The following OGDHL variants were observed in gnomAD, a reference collection of about 807,000 sequenced individuals.
The protein encoded by OGDHL is 2-oxoglutarate dehydrogenase-like, mitochondrial.
Under a neutral mutation model 109.6 loss-of-function variants are expected in OGDHL, and 79 were observed. The observed-to-expected ratio is 0.72, with a 90% CI of 0.60 to 0.87. The LOEUF is 0.87. OGDHL is among the 40% of genes least tolerant of loss of function. The probability of loss-of-function intolerance (pLI) is 0.00; values close to 1 mark genes in which losing one functional copy is unlikely to be tolerated. For missense variants in OGDHL, 1,275 were observed against 1,362.2 expected (o/e 0.94, Z 1.01); for synonymous variants, 528 against 537.2 (o/e 0.98, Z 0.24).
chr10:49,745,371 C>T lies in OGDHL; in HGVS notation c.1602G>A (p.Glu534=), dbSNP rs751287061. The change falls in exon 12 of 23, where the codon GAG becomes GAA. Residue 534 remains glutamate, a synonymous_variant. Coordinates refer to ENST00000374103, the MANE Select transcript of OGDHL (RefSeq NM_018245.3). ...CAAACTCCTGCAGGGTGACTGTGCC[C>T]TCGGCAATCAGCTTGTCTGCGTACT... ...LKKYADKLIA[E]GTVTLQEFEE... 3.1e-6 allele frequency: 5 copies of T among 1,613,914 alleles called. No individual in the cohort carries two copies. The African/African-American group carries it at 5.3e-5, about 17-fold the overall frequency.
At chr10:49,752,591 G>C in intron 4 of OGDHL, 47 bp downstream of exon 4, 1 of 1,530,628 alleles carries the variant, frequency 6.5e-7, no homozygotes, top group Non-Finnish European at 9.1e-7. Context: ...CCCCTTACTG[G>C]GCCACCCACA....
At chr10:49,738,731 ACT>A (rs925916490) in intron 17 of OGDHL, 1 of 176,498 alleles carries the variant, frequency 5.7e-6, no homozygotes, top group South Asian at 1.4e-4. Context: ...GGCCAACCCA[ACT>A]CGGCCTGGGC....
In OGDHL at chr10:49,738,634, C is replaced by A; in HGVS notation, c.2320-372G>T. ...CCTTATCGCTAACCCCCAAAGTAGC[C>A]CCATGATGCAGACACTCTTCCCCAC... On this transcript the variant is annotated intron_variant, in intron 17 of 22. Transcript: ENST00000374103. 1.0e-5 allele frequency: 3 copies of A among 294,072 alleles called. No individual in the cohort carries two copies. In the South Asian group the frequency reaches 1.1e-4, roughly 11 times the overall value. The allele number at this position is 294,072 out of a possible 1,614,324, so 18.2% of individuals were successfully genotyped here. A position where few individuals can be genotyped will look rare whatever the true frequency, so the allele number is the denominator to read the frequency against.
At chr10:49,749,170 T>C (rs964837599) in intron 8 of OGDHL, among the ~76,000 whole-genome samples, 3 of 151,844 alleles carry the variant, frequency 2.0e-5, no homozygotes, top group African/African-American at 7.3e-5. Context: ...GATCATGCCA[T>C]TGCACTCCAG....
rs766739326 is a variant in OGDHL, at chr10:49,736,112, G to A, written c.2820C>T (p.Ala940=). ...TGTTCTTGTGCTCCTCCTGACACCA[G>A]GCCAGCTCCGCACCTGGGTACTTCT... is the stretch of plus-strand genomic sequence containing the variant. ...EAEKYPGAEL[A]WCQEEHKNMG... Residue 940 remains alanine, a synonymous_variant, in exon 22 of 23, where the codon GCC becomes GCT. Transcript: ENST00000374103. 2.5e-6 allele frequency: 4 copies of A among 1,612,304 alleles called. No homozygotes were observed. Among genetic ancestry groups the A allele is most frequent in the Non-Finnish European group, 3.4e-6 (4 of 1,179,026 alleles).
Position 49,736,353 on chromosome 10 carries a change from A to G in OGDHL, c.2754+4T>C. ...ACTTGACTGTACAAGGGGTTCAGGC[A>G]CACCTGCTCCAGGCGCGTGATGGCC... On this transcript the variant is annotated splice_donor_region_variant and intron_variant, in intron 21 of 22. Transcript: ENST00000374103. 6.2e-7 allele frequency: 1 copy of G among 1,614,124 alleles called. No individual in the cohort carries two copies. Among genetic ancestry groups the G allele is most frequent in the African/African-American group, 1.3e-5 (1 of 75,060 alleles).
At chr10:49,751,417 A>G (rs1842579478) in intron 6 of OGDHL, among the ~76,000 whole-genome samples, 1 of 148,188 alleles carries the variant, frequency 6.7e-6, no homozygotes, top group African/African-American at 2.4e-5. Flanking sequence ...CTTTGCATCC[A>G]GCAGCTGAGT....
chr10:49,759,854 G>A (rs994429237), intron 1 of OGDHL, among the ~76,000 whole-genome samples: 5 of 152,200 alleles, frequency 3.3e-5, no homozygotes, highest in African/African-American at 1.2e-4. Flanking sequence ...GGACAGCTCA[G>A]GCCCCAGAAA....
chr10:49,736,995 C>A (rs1386712083), intron 20 of OGDHL, among the ~76,000 whole-genome samples: 1 of 152,184 alleles, frequency 6.6e-6, no homozygotes, highest in East Asian at 1.9e-4. Context: ...CCTTCCTGAG[C>A]CCATGATCCT....
Position 49,735,055 on chromosome 10 carries a change from T to G in OGDHL, c.*173A>C. 1 of 730,920 alleles carries G rather than the reference T, an allele frequency of 1.4e-6. No individual in the cohort carries two copies. Among genetic ancestry groups the G allele is most frequent in the Non-Finnish European group, 2.2e-6 (1 of 458,910 alleles). 45.3% of individuals were successfully genotyped at this position (730,920 alleles called of 1,614,324 possible). A position where few individuals can be genotyped will look rare whatever the true frequency, so the allele number is the denominator to read the frequency against. On this transcript the variant is annotated 3_prime_UTR_variant, in exon 23 of 23. Coordinates refer to ENST00000374103, the MANE Select transcript of OGDHL (RefSeq NM_018245.3). ...CTCTGGCTCCCTCAGTCCTGGTAGA[T>G]TCTGGCATGACACCAAGGCCAGCAG...
intron 2 of OGDHL, among the ~76,000 whole-genome samples, chr10:49,758,095 CT>C (rs1843023838): frequency 6.6e-6 from 1 of 152,212 alleles, no homozygotes; most frequent in Non-Finnish European, 1.5e-5. Flanking sequence ...ACGTATGTCC[CT>C]AATTACATAC....
At chr10:49,735,388 C>A (rs1035380699) in intron 22 of OGDHL, 37 bp from the exon 23 acceptor site, 2 of 1,600,254 alleles carry the variant, frequency 1.2e-6, no homozygotes, top group Non-Finnish European at 1.7e-6. Flanking sequence ...GAAGGCGGGG[C>A]CTAGCCGCCC....
intron 3 of OGDHL, 49 bp downstream of exon 3, chr10:49,756,727 C>A (rs757974735): frequency 3.2e-6 from 5 of 1,560,118 alleles, no homozygotes; most frequent in Admixed American, 3.6e-5. Flanking sequence ...CCTGGCCACA[C>A]CCCAGGAGCC....
At chr10:49,759,153 T>G (rs1843108072) in intron 1 of OGDHL, among the ~76,000 whole-genome samples, 2 of 152,108 alleles carry the variant, frequency 1.3e-5, no homozygotes, top group Non-Finnish European at 2.9e-5. Context: ...GTGGCTCTAG[T>G]CATTGCGACC....
chr10:49,751,153 C>A (rs1842563498), intron 6 of OGDHL, among the ~76,000 whole-genome samples, 168 bp from the exon 7 acceptor site: 1 of 152,082 alleles, frequency 6.6e-6, no homozygotes, highest in Non-Finnish European at 1.5e-5. Context: ...ATACACCTGT[C>A]CCACCCAGCA....
intron 13 of OGDHL, 64 bp from the exon 14 acceptor site, chr10:49,744,186 C>T: frequency 6.3e-7 from 1 of 1,584,714 alleles, no homozygotes; most frequent in South Asian, 1.1e-5. Flanking sequence ...CCTGGCCAGC[C>T]TGCCTCCCCA....
At chr10:49,748,127 G>A (rs995417400) in intron 8 of OGDHL, among the ~76,000 whole-genome samples, 5 of 152,166 alleles carry the variant, frequency 3.3e-5, no homozygotes, top group Non-Finnish European at 4.4e-5. Flanking sequence ...AGCTCCAGCC[G>A]CTGCACTGCT....
Position 49,745,471 on chromosome 10 carries a change from T to C in OGDHL, c.1502A>G (p.Asn501Ser), listed in dbSNP as rs1469381172. The C allele has an allele frequency of 5.0e-6, 8 of 1,614,080 alleles. No homozygotes were observed. The highest frequency in any genetic ancestry group is 2.2e-5 in the South Asian group (2 of 91,078). ...DLVCYRRRGHNEMDEPMFTQP... is the reference protein window; with the variant it reads ...DLVCYRRRGHSEMDEPMFTQP... ...GGTGAACATGGGCTCGTCCATCTCA[T>C]TGTGGCCACGCCGGCGGTAACAGAC... Residue 501 changes from asparagine to serine, a missense_variant, in exon 12 of 23, where the codon AAT becomes AGT. Transcript: ENST00000374103.
intron 8 of OGDHL, among the ~76,000 whole-genome samples, chr10:49,749,331 T>A (rs1212482379): frequency 6.6e-6 from 1 of 152,038 alleles, no homozygotes. Context: ...CGGAAAACCA[T>A]CCTCACCTCC....
Sources: gnomAD v4.1 joint callset for allele counts (sites outside exome capture counted in the v4.1 genomes callset) on GRCh38, gnomAD v4.1.1 for gene constraint, MANE v1.5 for transcripts, NCBI Gene and HGNC (gene_info 2026-07-23, HGNC 2026-07-21) for gene names.